The following SUGCT variants were observed in gnomAD, a reference collection of about 807,000 sequenced individuals.
The protein encoded by SUGCT is succinyl-CoA:glutarate CoA-transferase.
A neutral mutation model predicts 55.0 loss-of-function variants in SUGCT; 41 were observed. That is an observed-to-expected ratio of 0.74 (90% CI 0.58 to 0.97). The LOEUF (loss-of-function observed/expected upper bound fraction) is 0.97, where lower values mean the gene tolerates loss of function less well. Ranked by LOEUF, SUGCT falls within the 50% of genes least tolerant of loss-of-function variation. The probability of loss-of-function intolerance (pLI) is 0.00; values close to 1 mark genes in which losing one functional copy is unlikely to be tolerated. For synonymous variants in SUGCT, 187 were observed against 200.4 expected, an observed-to-expected ratio of 0.93 and a Z score of 0.56; for missense variants, 568 against 547.8, an observed-to-expected ratio of 1.04 and a Z score of -0.37.
chr7:40,332,616 A>G (rs1226564312), intron 9 of SUGCT, among the ~76,000 whole-genome samples: 5 of 152,140 alleles, frequency 3.3e-5, no homozygotes. Flanking sequence ...GTCCTAGTTC[A>G]AAGAAGCTGG....
At chr7:40,717,547 G>GTAAA (rs1244220786) in intron 12 of SUGCT, among the ~76,000 whole-genome samples, 43 of 152,342 alleles carry the variant, frequency 2.8e-4, no homozygotes, top group African/African-American at 1.0e-3. Flanking sequence ...AGCTTCTGAT[G>GTAAA]TAAACACTTG....
chr7:40,635,913 A>G (rs1365981456), intron 12 of SUGCT, among the ~76,000 whole-genome samples: 2 of 152,316 alleles, frequency 1.3e-5, no homozygotes, highest in East Asian at 3.9e-4. Flanking sequence ...TGACCTAAAT[A>G]TTCCACAGCC....
At chr7:40,699,561 T>C (rs757409769) in intron 12 of SUGCT, among the ~76,000 whole-genome samples, 1 of 152,156 alleles carries the variant, frequency 6.6e-6, no homozygotes, top group Admixed American at 6.6e-5. Flanking sequence ...ATTTGAAATA[T>C]ATAAAGGGTG....
chr7:40,475,618 A>G (rs1790622758), intron 11 of SUGCT, among the ~76,000 whole-genome samples: 1 of 152,194 alleles, frequency 6.6e-6, no homozygotes, highest in Non-Finnish European at 1.5e-5. Flanking sequence ...TTCAATGAGT[A>G]TGTATTGAGC....
At chr7:41,028,356 C>T in the SUGCT span, among the ~76,000 whole-genome samples, 1 of 152,118 alleles carries the variant, frequency 6.6e-6, no homozygotes, top group African/African-American at 2.4e-5. Context: ...CTAAATAATC[C>T]CTGAGAGGAC....
At chr7:40,982,968 A>G in the SUGCT span, among the ~76,000 whole-genome samples, 1 of 152,192 alleles carries the variant, frequency 6.6e-6, no homozygotes, top group South Asian at 2.1e-4. Flanking sequence ...CTGATGACCA[A>G]GAAGCCCAGA....
intron 3 of SUGCT, among the ~76,000 whole-genome samples, chr7:40,183,030 T>C (rs746821966): frequency 3.9e-5 from 6 of 152,200 alleles, no homozygotes; most frequent in Non-Finnish European, 5.9e-5. Context: ...CCCAGTACTT[T>C]GGGAGGCCAA....
At chr7:40,481,009 T>TA (rs1292431559) in intron 11 of SUGCT, among the ~76,000 whole-genome samples, 1 of 152,118 alleles carries the variant, frequency 6.6e-6, no homozygotes, top group Non-Finnish European at 1.5e-5. Context: ...GGGGGCAGCA[T>TA]AATCAACATT....
At chr7:40,533,480 CT>C (rs1212979209) in intron 12 of SUGCT, among the ~76,000 whole-genome samples, 1 of 151,836 alleles carries the variant, frequency 6.6e-6, no homozygotes, top group Admixed American at 6.6e-5. Context: ...GTTTTGTAGA[CT>C]TTTTTTGCAT....
intron 9 of SUGCT, among the ~76,000 whole-genome samples, chr7:40,328,290 G>A (rs1250462016): frequency 1.3e-5 from 2 of 152,130 alleles, no homozygotes; most frequent in Non-Finnish European, 2.9e-5. Flanking sequence ...TGCTAAAATG[G>A]TATTAGGTTC....
intron 11 of SUGCT, among the ~76,000 whole-genome samples, chr7:40,467,141 G>T (rs1306505250): frequency 6.9e-6 from 1 of 144,514 alleles, no homozygotes; most frequent in Admixed American, 7.2e-5. Flanking sequence ...GGCGGAGGTT[G>T]CAGTGAGCCA....
intron 6 of SUGCT, among the ~76,000 whole-genome samples, chr7:40,216,563 G>A (rs1220466545): frequency 6.7e-6 from 1 of 148,574 alleles, no homozygotes; most frequent in Non-Finnish European, 1.5e-5. Flanking sequence ...TGCTTAAGAA[G>A]AGTGTTGGCC....
intron 13 of SUGCT, among the ~76,000 whole-genome samples, chr7:40,783,740 G>A (rs1300584732): frequency 6.6e-6 from 1 of 152,102 alleles, no homozygotes; most frequent in Non-Finnish European, 1.5e-5. Context: ...TACCAATGTA[G>A]ATGTGCTTAC....
At chr7:40,135,840 A>G (rs1462163804) in intron 1 of SUGCT, among the ~76,000 whole-genome samples, 2 of 152,136 alleles carry the variant, frequency 1.3e-5, no homozygotes, top group East Asian at 3.9e-4. Context: ...TATTTTTAGT[A>G]GAGACGGGGT....
rs564316857 is a variant in SUGCT, at chr7:40,643,116, A to T, written c.1090-106318A>T. 6.6e-5 allele frequency among the ~76,000 whole-genome samples: 10 copies of T among 152,276 alleles called. No homozygotes were observed. In the South Asian group the frequency reaches 2.1e-3, roughly 32 times the overall value. ...GGCAGTGGCACAACTCTTTTTAGTGATATTTTTCAGTGTGAACTTCCTGGC... is the reference window on the plus strand; with the variant it reads ...GGCAGTGGCACAACTCTTTTTAGTGTTATTTTTCAGTGTGAACTTCCTGGC... On this transcript the variant is annotated intron_variant, in intron 12 of 13. Coordinates refer to ENST00000335693, the MANE Select transcript of SUGCT (RefSeq NM_001193313.2).
chr7:40,562,609 A>G (rs1795902083), intron 12 of SUGCT, among the ~76,000 whole-genome samples: 1 of 152,176 alleles, frequency 6.6e-6, no homozygotes, highest in South Asian at 2.1e-4. Context: ...GAGAGACTGA[A>G]GACAAAGGTA....
rs777298419 is a variant in SUGCT, at chr7:40,409,390, G to A, written c.817-39897G>A. ...GTGATCCTCCCACCTCAGCCTCCAA[G>A]TAGGGACTACAGGTGTGCACCACCA... is the stretch of plus-strand genomic sequence containing the variant. On this transcript the variant is annotated intron_variant, in intron 9 of 13. Coordinates refer to ENST00000335693, the MANE Select transcript of SUGCT (RefSeq NM_001193313.2). 7.2e-4 allele frequency among the ~76,000 whole-genome samples: 110 copies of A among 152,036 alleles called. 1 individual carries two copies. Among genetic ancestry groups the A allele is most frequent in the Non-Finnish European group, 1.8e-4 (12 of 67,990 alleles).
At chr7:40,941,473 G>T in the SUGCT span, among the ~76,000 whole-genome samples, 1 of 152,038 alleles carries the variant, frequency 6.6e-6, no homozygotes, top group East Asian at 1.9e-4. Context: ...ATTGAGACTT[G>T]TTTTGTGGCC....
chr7:40,622,505 C>T (rs912375383), intron 12 of SUGCT, among the ~76,000 whole-genome samples: 1 of 147,632 alleles, frequency 6.8e-6, no homozygotes, highest in Admixed American at 6.8e-5. Context: ...TCAGACTTAA[C>T]TGCCCTCATG....
Sources: gnomAD v4.1 joint callset for allele counts (sites outside exome capture counted in the v4.1 genomes callset) on GRCh38, gnomAD v4.1.1 for gene constraint, MANE v1.5 for transcripts, NCBI Gene and HGNC (gene_info 2026-07-23, HGNC 2026-07-21) for gene names.